Variants in BABAM2 observed in about 807,000 individuals in gnomAD.
The protein encoded by BABAM2 is BRISC and BRCA1 A complex member 2.
A neutral mutation model predicts 54.7 loss-of-function variants in BABAM2; 31 were observed. The observed-to-expected ratio is 0.57, with a 90% CI of 0.43 to 0.77. The LOEUF is 0.77. BABAM2 is among the 30% of genes least tolerant of loss of function. BABAM2 has a pLI of 0.00. For synonymous variants in BABAM2, 167 were observed against 162.9 expected (o/e 1.03, Z -0.19); for missense variants, 364 against 455.8 (o/e 0.80, Z 1.83).
At chr2:28,260,555 G>A (rs947810571) in intron 10 of BABAM2, among the ~76,000 whole-genome samples, 1 of 151,986 alleles carries the variant, frequency 6.6e-6, no homozygotes, top group Non-Finnish European at 1.5e-5. Flanking sequence ...ACCCACCTCG[G>A]CCTCCCAAAG....
chr2:27,999,168 A>G (rs1419972086), intron 4 of BABAM2, among the ~76,000 whole-genome samples: 1 of 151,990 alleles, frequency 6.6e-6, no homozygotes, highest in Non-Finnish European at 1.5e-5. Flanking sequence ...GGTACCAGGC[A>G]CACTAAGATT....
At chr2:28,205,796 A>G (rs1678782316) in intron 7 of BABAM2, among the ~76,000 whole-genome samples, 1 of 152,224 alleles carries the variant, frequency 6.6e-6, no homozygotes, top group African/African-American at 2.4e-5. Context: ...CACTTACAGC[A>G]ATAATGGATG....
chr2:28,099,797 A>G (rs1028981446), intron 6 of BABAM2, among the ~76,000 whole-genome samples: 14 of 151,898 alleles, frequency 9.2e-5, no homozygotes, highest in African/African-American at 3.4e-4. Context: ...ATAACATTTC[A>G]CTCTGTTGTT....
chr2:28,053,609 A>C (rs569555781), intron 6 of BABAM2, among the ~76,000 whole-genome samples: 8 of 152,202 alleles, frequency 5.3e-5, no homozygotes, highest in Non-Finnish European at 1.2e-4. Flanking sequence ...CTTACACTGC[A>C]GGGAATCTGT....
At chr2:28,280,508 A>G (rs1345676004) in intron 10 of BABAM2, among the ~76,000 whole-genome samples, 4 of 152,206 alleles carry the variant, frequency 2.6e-5, no homozygotes, top group South Asian at 2.1e-4. Flanking sequence ...CTCTTTTTGT[A>G]CAAGTCTTAA....
At chr2:28,275,737 A>G (rs1432788940) in intron 10 of BABAM2, among the ~76,000 whole-genome samples, 1 of 152,230 alleles carries the variant, frequency 6.6e-6, no homozygotes, top group Non-Finnish European at 1.5e-5. Flanking sequence ...TTATTGATAT[A>G]TATCTCTTCC....
At chr2:27,927,838 G>GTTT (rs376186465) in intron 2 of BABAM2, among the ~76,000 whole-genome samples, 59 of 135,728 alleles carry the variant, frequency 4.3e-4, no homozygotes, top group Non-Finnish European at 5.3e-4. Context: ...TAAAGTTTCT[G>GTTT]TTTTTTTTTT....
At chr2:28,285,934 C>G (rs1399461137) in intron 10 of BABAM2, among the ~76,000 whole-genome samples, 1 of 151,762 alleles carries the variant, frequency 6.6e-6, no homozygotes, top group Non-Finnish European at 1.5e-5. Flanking sequence ...ATAGTCACCC[C>G]CTTCTACTAA....
chr2:28,184,363 T>C (rs1676045046), intron 7 of BABAM2, among the ~76,000 whole-genome samples: 1 of 150,526 alleles, frequency 6.6e-6, no homozygotes, highest in Non-Finnish European at 1.5e-5. Flanking sequence ...AGTTCTAGGG[T>C]ACATGTGCAC....
chr2:28,089,663 A>G (rs753313370), intron 6 of BABAM2, among the ~76,000 whole-genome samples: 6 of 152,244 alleles, frequency 3.9e-5, no homozygotes, highest in Non-Finnish European at 8.8e-5. Context: ...CTCATAAACC[A>G]GTGTTGTTAG....
chr2:28,315,367 T>G (rs1689441107), intron 11 of BABAM2, among the ~76,000 whole-genome samples: 1 of 152,150 alleles, frequency 6.6e-6, no homozygotes, highest in Non-Finnish European at 1.5e-5. Context: ...GCTAAAACAT[T>G]TTATCTTTTT....
At chr2:27,900,677 G>A (rs1665710610) in intron 2 of BABAM2, among the ~76,000 whole-genome samples, 1 of 152,126 alleles carries the variant, frequency 6.6e-6, no homozygotes, top group Non-Finnish European at 1.5e-5. Flanking sequence ...TTATTGGCCT[G>A]ATAGTGTATT....
At chr2:27,978,066 C>T (rs905548587) in intron 3 of BABAM2, among the ~76,000 whole-genome samples, 8 of 152,144 alleles carry the variant, frequency 5.3e-5, no homozygotes, top group Non-Finnish European at 7.3e-5. Context: ...TATGTGTCAC[C>T]TCCAAATATC....
chr2:27,981,421 T>G (rs1010520044), intron 3 of BABAM2, among the ~76,000 whole-genome samples: 1 of 152,140 alleles, frequency 6.6e-6, no homozygotes, highest in East Asian at 1.9e-4. Context: ...TTTACAAATA[T>G]AGTCACAAAG....
intron 10 of BABAM2, among the ~76,000 whole-genome samples, chr2:28,261,336 T>C (rs994847550): frequency 2.0e-5 from 3 of 151,612 alleles, no homozygotes; most frequent in Admixed American, 2.0e-4. Flanking sequence ...GAATTTTTTT[T>C]TTTTTTTTGA....
chr2:28,055,623 A>T (rs1678344048), intron 6 of BABAM2, among the ~76,000 whole-genome samples: 1 of 152,216 alleles, frequency 6.6e-6, no homozygotes, highest in South Asian at 2.1e-4. Flanking sequence ...AGTTTCTTGG[A>T]AAAAAGAAGT....
intron 6 of BABAM2, among the ~76,000 whole-genome samples, chr2:28,060,444 G>A (rs1482656323): frequency 3.3e-5 from 5 of 152,052 alleles, no homozygotes; most frequent in Admixed American, 1.3e-4. Context: ...GATTAAGAAG[G>A]CAAAGATGTT....
intron 6 of BABAM2, among the ~76,000 whole-genome samples, chr2:28,088,970 C>G (rs1043626901): frequency 6.6e-6 from 1 of 151,990 alleles, no homozygotes; most frequent in East Asian, 1.9e-4. Flanking sequence ...ACCATTGTAT[C>G]CTAAGTCTCT....
chr2:28,042,081 G>A (rs899934999), intron 5 of BABAM2, among the ~76,000 whole-genome samples: 5 of 152,152 alleles, frequency 3.3e-5, no homozygotes, highest in African/African-American at 1.2e-4. Flanking sequence ...CCGCCACTTT[G>A]AATGTGAGGT....
Sources: allele counts gnomAD v4.1 joint callset (sites outside exome capture counted in the v4.1 genomes callset), GRCh38; gene constraint gnomAD v4.1.1; transcripts MANE v1.5; gene names NCBI Gene and HGNC (gene_info 2026-07-23, HGNC 2026-07-21).